PLD1: variants seen among roughly 807,000 people sequenced by gnomAD.
PLD1 encodes choline phosphatase 1.
In PLD1, 112 loss-of-function variants were observed where a neutral mutation model predicts 137.1. The ratio of observed to expected loss-of-function variants is 0.82; its 90% CI spans 0.70 to 0.96. PLD1 has a LOEUF of 0.96. Among genes scored for constraint, PLD1 ranks in the 40% least tolerant of loss-of-function variants. PLD1 has a pLI of 0.00. For missense variants in PLD1, 1,321 were observed against 1,342.0 expected, an observed-to-expected ratio of 0.98 and a Z score of 0.24; for synonymous variants, 431 against 454.7, an observed-to-expected ratio of 0.95 and a Z score of 0.66.
chr3:171,687,122 C>G (rs1219669251), intron 15 of PLD1, among the ~76,000 whole-genome samples: 2 of 152,160 alleles, frequency 1.3e-5, no homozygotes, highest in African/African-American at 4.8e-5. Context: ...CTTTGTCATT[C>G]TGCTACCATT....
At chr3:171,791,227 T>C (rs1723199080) in intron 1 of PLD1, among the ~76,000 whole-genome samples, 1 of 152,224 alleles carries the variant, frequency 6.6e-6, no homozygotes, top group African/African-American at 2.4e-5. Flanking sequence ...AGATTTGTGC[T>C]GTAAAAAAAC....
chr3:171,690,089 C>G (rs1714999416), intron 13 of PLD1, among the ~76,000 whole-genome samples: 1 of 152,112 alleles, frequency 6.6e-6, no homozygotes, highest in Admixed American at 6.6e-5. Flanking sequence ...TTTTCTATTT[C>G]TTCATGATTT....
At chr3:171,801,697 G>A (rs756273923) in intron 1 of PLD1, among the ~76,000 whole-genome samples, 1 of 152,164 alleles carries the variant, frequency 6.6e-6, no homozygotes, top group Admixed American at 6.5e-5. Flanking sequence ...CCAAAGTGCC[G>A]GGATAACAGG....
intron 23 of PLD1, among the ~76,000 whole-genome samples, chr3:171,637,799 T>C (rs946383607): frequency 2.0e-5 from 3 of 152,140 alleles, no homozygotes; most frequent in Non-Finnish European, 4.4e-5. Flanking sequence ...TACTGAATAC[T>C]GTAGGCAAGT....
At chr3:171,663,767 A>G (rs1711790199) in intron 19 of PLD1, among the ~76,000 whole-genome samples, 1 of 152,250 alleles carries the variant, frequency 6.6e-6, no homozygotes, top group Admixed American at 6.5e-5. Flanking sequence ...TAAAAATAAT[A>G]CTTGCTATTT....
At chr3:171,781,855 T>A (rs1031729119) in intron 1 of PLD1, among the ~76,000 whole-genome samples, 1 of 152,062 alleles carries the variant, frequency 6.6e-6, no homozygotes, top group Non-Finnish European at 1.5e-5. Context: ...TATGCACCTA[T>A]CCTATGACCC....
At chr3:171,609,792 T>C (rs898274733) in intron 25 of PLD1, among the ~76,000 whole-genome samples, 8 of 152,150 alleles carry the variant, frequency 5.3e-5, no homozygotes, top group African/African-American at 1.9e-4. Context: ...AATCACCTAA[T>C]GGGTACAATG....
At chr3:171,645,187 A>T (rs360399) in intron 21 of PLD1, among the ~76,000 whole-genome samples, 164 bp from the exon 22 acceptor site, 1 of 152,048 alleles carries the variant, frequency 6.6e-6, no homozygotes, top group Non-Finnish European at 1.5e-5. Context: ...TTGGACTGGA[A>T]GACAGAAGCT....
chr3:171,739,018 C>A (rs2108268190), intron 1 of PLD1, among the ~76,000 whole-genome samples: 1 of 152,296 alleles, frequency 6.6e-6, no homozygotes, highest in East Asian at 1.9e-4. Flanking sequence ...AAATCACAAA[C>A]ACTGAGCATC....
At chr3:171,725,976 T>A in intron 7 of PLD1, 42 bp downstream of exon 7, 4 of 1,375,714 alleles carry the variant, frequency 2.9e-6, no homozygotes, top group Non-Finnish European at 4.2e-6. Context: ...TGAATGCAAA[T>A]CAATTTTTCA....
At chr3:171,648,898 T>C (rs1234468145) in intron 21 of PLD1, among the ~76,000 whole-genome samples, 4 of 152,330 alleles carry the variant, frequency 2.6e-5, no homozygotes, top group African/African-American at 9.6e-5. Context: ...TATTCTACCA[T>C]GCATCTATAC....
chr3:171,688,609 C>G (rs148182293), intron 14 of PLD1, 67 bp downstream of exon 14: 2 of 1,177,716 alleles, frequency 1.7e-6, no homozygotes, highest in Non-Finnish European at 2.5e-6. Flanking sequence ...ATCAGTCATG[C>G]TACTAATACA....
At chr3:171,766,080 T>C (rs1045457076) in intron 1 of PLD1, among the ~76,000 whole-genome samples, 7 of 152,198 alleles carry the variant, frequency 4.6e-5, no homozygotes. Flanking sequence ...TAAAAATTCA[T>C]TTTACCTCAA....
chr3:171,711,034 C>T (rs541853921), intron 9 of PLD1, among the ~76,000 whole-genome samples: 53 of 148,860 alleles, frequency 3.6e-4, no homozygotes, highest in African/African-American at 5.5e-4. Flanking sequence ...CCTCCACGCC[C>T]GGCTAATTTT....
chr3:171,664,821 T>A (rs959740756), intron 19 of PLD1, among the ~76,000 whole-genome samples: 3 of 152,238 alleles, frequency 2.0e-5, no homozygotes, highest in African/African-American at 7.2e-5. Context: ...ATAATTTAAA[T>A]ATCATGGAGG....
chr3:171,800,630 T>C (rs567061959), intron 1 of PLD1, among the ~76,000 whole-genome samples: 1 of 152,360 alleles, frequency 6.6e-6, no homozygotes, highest in East Asian at 1.9e-4. Context: ...ACCCAATCTC[T>C]ACTCCAATGC....
intron 8 of PLD1, among the ~76,000 whole-genome samples, chr3:171,720,582 C>CAAA (rs759407637): frequency 0.011 from 1,298 of 115,202 alleles, 19 homozygotes; most frequent in African/African-American, 0.04. Context: ...GACTCCGTCT[C>CAAA]AAAAAAAAAA....
intron 23 of PLD1, among the ~76,000 whole-genome samples, chr3:171,639,336 T>C (rs2108359430): frequency 7.5e-6 from 1 of 133,726 alleles, no homozygotes; most frequent in East Asian, 2.1e-4. Context: ...TATTTTCATA[T>C]AAATAAAAGA....
chr3:171,686,405 C>G (rs754894072), intron 16 of PLD1, among the ~76,000 whole-genome samples: 7 of 152,152 alleles, frequency 4.6e-5, no homozygotes, highest in Non-Finnish European at 1.0e-4. Context: ...GAGAGGAATT[C>G]CTCCCTCCTT....
Sources: allele counts gnomAD v4.1 joint callset (sites outside exome capture counted in the v4.1 genomes callset), GRCh38; gene constraint gnomAD v4.1.1; transcripts MANE v1.5; gene names NCBI Gene and HGNC (gene_info 2026-07-23, HGNC 2026-07-21).